NEBL: variants seen among roughly 807,000 people sequenced by gnomAD.
The protein encoded by NEBL is LIM and SH3 protein 2.
NEBL carries 122 observed loss-of-function variants against 140.2 expected under a neutral mutation model. The observed-to-expected ratio is 0.87, with a 90% CI of 0.75 to 1.01. NEBL has a LOEUF of 1.01. Among genes scored for constraint, NEBL ranks in the 50% least tolerant of loss-of-function variants. The pLI is 0.00. For missense variants in NEBL, 1,365 were observed against 1,231.3 expected, an observed-to-expected ratio of 1.11 and a Z score of -1.62; for synonymous variants, 436 against 398.9, an observed-to-expected ratio of 1.09 and a Z score of -1.11.
intron 4 of NEBL, among the ~76,000 whole-genome samples, chr10:20,916,192 A>C (rs1848549117): frequency 6.6e-6 from 1 of 152,216 alleles, no homozygotes. Context: ...AACTACAGGC[A>C]AGAACCATGG....
intron 3 of NEBL, among the ~76,000 whole-genome samples, chr10:21,199,410 C>A (rs1289345759): frequency 2.0e-5 from 3 of 152,268 alleles, no homozygotes; most frequent in South Asian, 4.2e-4. Context: ...CTATCACAAA[C>A]CTCTTGAAAA....
intron 2 of NEBL, among the ~76,000 whole-genome samples, chr10:21,250,155 C>G (rs924210344): frequency 6.6e-6 from 1 of 152,076 alleles, no homozygotes; most frequent in African/African-American, 2.4e-5. Context: ...AAGTATTGAT[C>G]CTTGGTGTGT....
intron 1 of NEBL, among the ~76,000 whole-genome samples, chr10:21,286,726 C>T (rs964632761): frequency 1.3e-5 from 2 of 151,836 alleles, no homozygotes; most frequent in African/African-American, 4.8e-5. Flanking sequence ...CCCAGTTACT[C>T]GGGAGGCTGA....
At chr10:20,842,548 T>C (rs1841495834) in intron 12 of NEBL, among the ~76,000 whole-genome samples, 1 of 152,116 alleles carries the variant, frequency 6.6e-6, no homozygotes, top group South Asian at 2.1e-4. Context: ...GTCCTCTTTT[T>C]CAAATTAGAC....
chr10:20,855,367 T>C (rs924352314), intron 9 of NEBL, among the ~76,000 whole-genome samples: 1 of 151,754 alleles, frequency 6.6e-6, no homozygotes, highest in Non-Finnish European at 1.5e-5. Flanking sequence ...AGCTACAACA[T>C]AGTCCATTAC....
intron 2 of NEBL, among the ~76,000 whole-genome samples, chr10:21,096,488 A>AGT (rs10541564): frequency 0.045 from 6,304 of 141,498 alleles, 164 homozygotes; most frequent in African/African-American, 0.051. Flanking sequence ...CTTGGTTTTG[A>AGT]GTGTGTGTGT....
intron 26 of NEBL, among the ~76,000 whole-genome samples, chr10:20,789,620 G>A (rs1349183365): frequency 1.3e-5 from 2 of 152,178 alleles, no homozygotes; most frequent in Non-Finnish European, 2.9e-5. Flanking sequence ...GTCCAAAGCA[G>A]GAGGACTGCT....
intron 2 of NEBL, among the ~76,000 whole-genome samples, chr10:21,026,223 C>T (rs3858201): frequency 0.61 from 93,038 of 151,936 alleles, 28,623 homozygotes; most frequent in South Asian, 0.66. Context: ...AGGCAACGTC[C>T]GGAGACATTT....
At chr10:21,076,738 T>A (rs1836113897) in intron 2 of NEBL, among the ~76,000 whole-genome samples, 1 of 152,210 alleles carries the variant, frequency 6.6e-6, no homozygotes, top group Non-Finnish European at 1.5e-5. Context: ...GAGGACATTA[T>A]AATTGAAATC....
chr10:21,179,800 A>T (rs565172297), upstream of NEBL, among the ~76,000 whole-genome samples: 1 of 151,774 alleles, frequency 6.6e-6, no homozygotes, highest in East Asian at 1.9e-4. Context: ...GAGGAAGGGG[A>T]AGGGACCACA....
At chr10:21,019,331 A>G (rs553933115) in intron 3 of NEBL, among the ~76,000 whole-genome samples, 1 of 152,368 alleles carries the variant, frequency 6.6e-6, no homozygotes, top group Non-Finnish European at 1.5e-5. Flanking sequence ...GCCACAGCCA[A>G]TGAACAGATG....
intron 3 of NEBL, among the ~76,000 whole-genome samples, chr10:21,007,785 G>A (rs1183718437): frequency 6.6e-6 from 1 of 152,162 alleles, no homozygotes; most frequent in Non-Finnish European, 1.5e-5. Context: ...TTGTTATATA[G>A]TAGAATGAGT....
rs1835776309 is a variant in NEBL, at chr10:21,070,642, C to T, written c.165-50441G>A. Among the ~76,000 whole-genome samples, 2 of 152,094 alleles carry T rather than the reference C, an allele frequency of 1.3e-5. 1 individual carries two copies. Among genetic ancestry groups the T allele is most frequent in the African/African-American group, 4.8e-5 (2 of 41,410 alleles). On this transcript the variant is annotated intron_variant, in intron 2 of 6. Coordinates refer to the NEBL transcript ENST00000417816. ...CCAAGACACACTTAAAAAAAAATTA[C>T]TCTGAACATTAAATCTTCTATGTTA...
chr10:20,795,273 C>A (rs575857893), intron 26 of NEBL, among the ~76,000 whole-genome samples: 1 of 152,086 alleles, frequency 6.6e-6, no homozygotes, highest in Admixed American at 6.5e-5. Flanking sequence ...TTTAAATGCA[C>A]AGGATATGTG....
Position 20,837,316 on chromosome 10 carries a change from A to T in NEBL, c.1339-1693T>A, listed in dbSNP as rs574173489. 2.6e-4 allele frequency among the ~76,000 whole-genome samples: 39 copies of T among 152,338 alleles called. No homozygotes were observed. The East Asian group carries it at 4.0e-3, about 16-fold the overall frequency. ...AAACAACCCTATTGCTGATATAGAG[A>T]AAGTTTTAGTGGTCTGAATAGGTCA... On this transcript the variant is annotated intron_variant, in intron 13 of 27. Coordinates refer to ENST00000377122, the MANE Select transcript of NEBL (RefSeq NM_006393.3).
intron 2 of NEBL, among the ~76,000 whole-genome samples, chr10:21,072,444 C>T (rs1835858830): frequency 6.6e-6 from 1 of 152,198 alleles, no homozygotes; most frequent in Non-Finnish European, 1.5e-5. Context: ...CCCTATTCAG[C>T]CACTACATGA....
At chr10:20,842,570 A>AT (rs1286614651) in intron 12 of NEBL, among the ~76,000 whole-genome samples, 1 of 152,054 alleles carries the variant, frequency 6.6e-6, no homozygotes, top group Non-Finnish European at 1.5e-5. Flanking sequence ...AGCTATAACT[A>AT]TTTTTTAAGT....
intron 3 of NEBL, among the ~76,000 whole-genome samples, chr10:20,988,128 T>A (rs1435382317): frequency 1.3e-5 from 2 of 152,142 alleles, no homozygotes; most frequent in Non-Finnish European, 2.9e-5. Flanking sequence ...CCAATTCTGG[T>A]AAAATCCAAT....
intron 2 of NEBL, among the ~76,000 whole-genome samples, chr10:21,101,040 A>G (rs1177921252): frequency 1.3e-5 from 2 of 152,130 alleles, no homozygotes; most frequent in Non-Finnish European, 2.9e-5. Flanking sequence ...TTAGAGACAC[A>G]GGGGAGGTTA....
Sources: allele counts gnomAD v4.1 joint callset (sites outside exome capture counted in the v4.1 genomes callset), GRCh38; gene constraint gnomAD v4.1.1; transcripts MANE v1.5; gene names NCBI Gene and HGNC (gene_info 2026-07-23, HGNC 2026-07-21).